Variants in VPS13B observed in about 807,000 individuals in gnomAD.
VPS13B encodes the protein vacuolar protein sorting 13 homolog B, also known as intermembrane lipid transfer protein VPS13B.
In VPS13B, 285 loss-of-function variants were observed where a neutral mutation model predicts 426.4. That is an observed-to-expected ratio of 0.67 (90% CI 0.61 to 0.74). The LOEUF (loss-of-function observed/expected upper bound fraction) is 0.74. Ranked by LOEUF, VPS13B falls within the 30% of genes least tolerant of loss-of-function variation. The pLI is 0.00. For synonymous variants in VPS13B, 1,676 were observed against 1,676.4 expected (o/e 1.00, Z 0.01); for missense variants, 4,537 against 4,782.6 (o/e 0.95, Z 1.51).
chr8:99,291,032 T>C lies in VPS13B; in HGVS notation c.2824+15778T>C, dbSNP rs1416910960. Among the ~76,000 whole-genome samples the C allele has an allele frequency of 3.9e-5, 6 of 152,202 alleles. No individual in the cohort carries two copies. In the South Asian group the frequency reaches 6.2e-4, roughly 16 times the overall value. On this transcript the variant is annotated intron_variant, in intron 19 of 61. Coordinates refer to ENST00000357162, the MANE Select transcript of VPS13B (RefSeq NM_152564.5). ...TATATTTATGCTTTAGAAACTAGCA[T>C]AGGCAGTAGTGTGGATGAGGATAAA...
intron 17 of VPS13B, among the ~76,000 whole-genome samples, chr8:99,229,645 G>T (rs1034793026): frequency 6.6e-6 from 1 of 152,074 alleles, no homozygotes; most frequent in African/African-American, 2.4e-5. Flanking sequence ...CTGATATAAA[G>T]GACCGTTACG....
intron 3 of VPS13B, among the ~76,000 whole-genome samples, chr8:99,062,003 G>A (rs1380597440): frequency 6.6e-6 from 1 of 152,168 alleles, no homozygotes; most frequent in African/African-American, 2.4e-5. Context: ...TGCCTATGAT[G>A]TTTCACCTTA....
chr8:99,504,661 C>A (rs917695454), intron 27 of VPS13B, among the ~76,000 whole-genome samples: 2 of 152,134 alleles, frequency 1.3e-5, no homozygotes, highest in Admixed American at 6.5e-5. Flanking sequence ...GATGTGCTAT[C>A]ATCCAAGCTT....
At chr8:99,789,771 T>C (rs141829704) in intron 43 of VPS13B, among the ~76,000 whole-genome samples, 1 of 152,218 alleles carries the variant, frequency 6.6e-6, no homozygotes, top group Non-Finnish European at 1.5e-5. Context: ...ACCTATCATA[T>C]CATATCATAT....
rs1817199511 is a variant in VPS13B, at chr8:99,868,175, A to G, written c.11216-114A>G. On this transcript the variant is annotated intron_variant, in intron 58 of 61. Coordinates refer to ENST00000357162, the MANE Select transcript of VPS13B (RefSeq NM_152564.5). Reference sequence around the variant, plus strand: ...AAACAAATGGGTAGTAAAGACCTTTATAATGAGGGTGGGGACTCATTTTCA... The same window carrying G: ...AAACAAATGGGTAGTAAAGACCTTTGTAATGAGGGTGGGGACTCATTTTCA... 4 of 1,340,856 alleles carry G rather than the reference A, an allele frequency of 3.0e-6. No individual in the cohort carries two copies. The East Asian group carries it at 9.6e-5, about 32-fold the overall frequency. The allele number at this position is 1,340,856 out of a possible 1,614,324, so 83.1% of individuals were successfully genotyped here. A position where few individuals can be genotyped will look rare whatever the true frequency, so the allele number is the denominator to read the frequency against.
chr8:99,105,114 T>A (rs1846973575), intron 5 of VPS13B, among the ~76,000 whole-genome samples: 1 of 152,232 alleles, frequency 6.6e-6, no homozygotes, highest in Admixed American at 6.5e-5. Flanking sequence ...TTTATTATTA[T>A]GTGTTTTCTA....
At position 99,151,793 on chromosome 8, in the gene VPS13B, G is replaced by A. The variant is rs529251287; in HGVS notation, c.2013+3783G>A. Among the ~76,000 whole-genome samples, 7 of 152,132 alleles carry A rather than the reference G, an allele frequency of 4.6e-5. No homozygotes were observed. In the South Asian group the frequency reaches 6.2e-4, roughly 14 times the overall value. On this transcript the variant is annotated intron_variant, in intron 14 of 61. Transcript: ENST00000357162. ...GGTGATCTGCCCACCTTGGCCTCCC[G>A]AAGTACTGGGTTTATAGGCGTGAGC...
chr8:99,597,509 G>A (rs1381182863), intron 33 of VPS13B, among the ~76,000 whole-genome samples: 1 of 151,970 alleles, frequency 6.6e-6, no homozygotes, highest in Non-Finnish European at 1.5e-5. Context: ...TGATTCCCTT[G>A]ACACAGTTCT....
At chr8:99,234,693 CATT>C (rs1816545393) in intron 17 of VPS13B, among the ~76,000 whole-genome samples, 1 of 152,208 alleles carries the variant, frequency 6.6e-6, no homozygotes, top group Non-Finnish European at 1.5e-5. Context: ...AAAAATAAGA[CATT>C]AATGGAGGTT....
In VPS13B at chr8:99,143,259, A is replaced by G; in HGVS notation, c.1843+94A>G. 3.9e-6 allele frequency: 6 copies of G among 1,538,642 alleles called. No homozygotes were observed. The South Asian group carries it at 5.7e-5, about 14-fold the overall frequency. ...GTTGTCTTGCTAACTTTACGTTTTT[A>G]GTGTAATTTGCCTGTTTGCAAGGAC... is the stretch of plus-strand genomic sequence containing the variant. On this transcript the variant is annotated intron_variant, in intron 13 of 61. Coordinates refer to ENST00000357162, the MANE Select transcript of VPS13B (RefSeq NM_152564.5).
intron 23 of VPS13B, among the ~76,000 whole-genome samples, chr8:99,462,096 C>T (rs1032938395): frequency 2.0e-5 from 3 of 148,624 alleles, no homozygotes; most frequent in Non-Finnish European, 3.0e-5. Flanking sequence ...CCCTTCCTTC[C>T]TTCCTTTCTT....
chr8:99,662,396 C>A (rs1211113136), intron 35 of VPS13B, among the ~76,000 whole-genome samples: 2 of 151,784 alleles, frequency 1.3e-5, no homozygotes, highest in Admixed American at 6.6e-5. Context: ...CAGAGTGTTA[C>A]CCATGGAATG....
At chr8:99,352,572 G>A (rs1408270950) in intron 19 of VPS13B, among the ~76,000 whole-genome samples, 5 of 152,152 alleles carry the variant, frequency 3.3e-5, no homozygotes, top group African/African-American at 1.2e-4. Context: ...AGTGGCTCAC[G>A]CCTGTAATCC....
At chr8:99,231,290 G>A (rs1302002836) in intron 17 of VPS13B, among the ~76,000 whole-genome samples, 1 of 151,792 alleles carries the variant, frequency 6.6e-6, no homozygotes, top group East Asian at 1.9e-4. Flanking sequence ...TTGTTAGCTG[G>A]ATATATTTCT....
rs79293761 is a variant in VPS13B at position 99,824,203 on chromosome 8, G to A, written c.9330+225G>A. ...AGAAGGAGGCCCTGACACACTGCTG[G>A]ATTAGTCCTGCCTGTGCCCCATCTG... On this transcript the variant is annotated intron_variant, in intron 51 of 61. Transcript: ENST00000357162. 4.6e-3 allele frequency among the ~76,000 whole-genome samples: 696 copies of A among 152,260 alleles called. 6 individuals are homozygous for A. Among genetic ancestry groups the A allele is most frequent in the Non-Finnish European group, 7.2e-3 (489 of 68,018 alleles).
At position 99,859,337 on chromosome 8, in the gene VPS13B, G is replaced by T. The variant is rs1273106372; in HGVS notation, c.10901G>T (p.Ser3634Ile). 3 of 1,613,802 alleles carry T rather than the reference G, an allele frequency of 1.9e-6. No individual in the cohort carries two copies. In the African/African-American group the frequency reaches 4.0e-5, roughly 22 times the overall value. ...WVVGSLDILG[S>I]PASLVRSIGN... The stretch of plus-strand genomic sequence containing the variant: ...GTTGGGTCTCTGGATATTCTTGGCA[G>T]CCCTGCAAGCCTGGTGAGAAGCATC... Residue 3634 changes from serine (S) to isoleucine (I), a missense_variant, in exon 57 of 62, where the codon AGC (serine) becomes ATC (isoleucine). By Grantham distance (142) the Ser-to-Ile change is moderately radical. Coordinates refer to ENST00000357162, the MANE Select transcript of VPS13B (RefSeq NM_152564.5).
chr8:99,761,118 TA>T (rs1297457374), intron 39 of VPS13B, among the ~76,000 whole-genome samples: 1 of 152,228 alleles, frequency 6.6e-6, no homozygotes, highest in Non-Finnish European at 1.5e-5. Flanking sequence ...AAATTTTTAA[TA>T]GGGGTTTCAT....
At position 99,866,672 on chromosome 8, in the gene VPS13B, C is replaced by T. The variant is rs113652932; in HGVS notation, c.11216-1617C>T. 4.5e-3 allele frequency among the ~76,000 whole-genome samples: 685 copies of T among 152,364 alleles called. 3 individuals carry two copies. The highest frequency in any genetic ancestry group is 0.012 in the African/African-American group (514 of 41,588). On this transcript the variant is annotated intron_variant, in intron 58 of 61. Coordinates refer to ENST00000357162, the MANE Select transcript of VPS13B (RefSeq NM_152564.5). ...AGCAGGTGGCTGTCAGCACCCTGTG[C>T]GGGTGACCGCAGCTGGCCCAGGCCC...
chr8:99,374,716 T>A (rs1813388374), intron 19 of VPS13B, among the ~76,000 whole-genome samples: 1 of 152,224 alleles, frequency 6.6e-6, no homozygotes, highest in Non-Finnish European at 1.5e-5. Context: ...GGTCTTTGGC[T>A]TTTATTCCAT....
Sources: allele counts gnomAD v4.1 joint callset (sites outside exome capture counted in the v4.1 genomes callset), GRCh38; gene constraint gnomAD v4.1.1; transcripts MANE v1.5; gene names NCBI Gene and HGNC (gene_info 2026-07-23, HGNC 2026-07-21).